Variants in COA1 observed in about 807,000 individuals in gnomAD.
COA1 encodes cytochrome c oxidase assembly factor 1.
COA1 carries 13 observed loss-of-function variants against 16.0 expected under a neutral mutation model. The ratio of observed to expected loss-of-function variants is 0.81; its 90% CI spans 0.53 to 1.29. The LOEUF is 1.29. Ranked by LOEUF, COA1 falls within the 50% of genes most tolerant of loss-of-function variation. COA1 has a pLI of 0.00. For synonymous variants in COA1, 65 were observed against 65.7 expected (o/e 0.99, Z 0.05); for missense variants, 179 against 177.0 (o/e 1.01, Z -0.06).
chr7:43,687,776 T>TA (rs879798429), intron 1 of COA1, among the ~76,000 whole-genome samples: 152 of 142,754 alleles, frequency 1.1e-3, no homozygotes, highest in Middle Eastern at 3.6e-3. Flanking sequence ...TCCCAAAACC[T>TA]AAAAAAAAAA....
At chr7:43,640,158 C>G (rs1395166981) in intron 5 of COA1, among the ~76,000 whole-genome samples, 1 of 152,192 alleles carries the variant, frequency 6.6e-6, no homozygotes, top group Non-Finnish European at 1.5e-5. Flanking sequence ...TAGCTATTGG[C>G]AACCAGACAA....
chr7:43,615,974 CT>C (rs1322608735), intron 6 of COA1, among the ~76,000 whole-genome samples: 5 of 152,204 alleles, frequency 3.3e-5, no homozygotes, highest in Non-Finnish European at 5.9e-5. Flanking sequence ...CATCACCCTG[CT>C]TTGAGTTCCC....
chr7:43,624,440 CAATA>C, intron 6 of COA1: 1 of 1,350,486 alleles, frequency 7.4e-7, no homozygotes, highest in South Asian at 1.7e-5. Context: ...AAATATAATG[CAATA>C]AATACAGTAC....
chr7:43,687,916 G>T (rs1168263385), intron 1 of COA1, among the ~76,000 whole-genome samples: 1 of 152,158 alleles, frequency 6.6e-6, no homozygotes, highest in East Asian at 1.9e-4. Context: ...TGTGTTGTGG[G>T]AGGGACCCAG....
chr7:43,642,674 G>C (rs2087498048), intron 4 of COA1, among the ~76,000 whole-genome samples: 2 of 152,210 alleles, frequency 1.3e-5, no homozygotes, highest in African/African-American at 4.8e-5. Context: ...GTGGGCAGCT[G>C]TGCTTCCATG....
At position 43,669,760 on chromosome 7, in the gene COA1, C is replaced by CA. The variant is rs1209630963; in HGVS notation, c.-38-21109dup. ...TATTAAACTTTTCACTCCTTAAAAC[C>CA]AAAAAAAAATTAAAAAAAAAAAACC... On this transcript the variant is annotated intron_variant, in intron 1 of 5. Transcript: ENST00000223336. 2.7e-4 allele frequency among the ~76,000 whole-genome samples: 19 copies of CA among 71,260 alleles called. No homozygotes were observed. In the South Asian group the frequency reaches 0.01, roughly 39 times the overall value. The allele number at this position is 71,260 out of a possible 152,430, so 46.7% of individuals were successfully genotyped here.
intron 1 of COA1, chr7:43,650,014 A>G (rs2090430225): frequency 6.6e-6 from 1 of 152,434 alleles, no homozygotes; most frequent in Non-Finnish European, 1.5e-5. Flanking sequence ...GAAATGACAA[A>G]CAAAGGCAGA....
chr7:43,633,669 C>T (rs1188592473), intron 6 of COA1, among the ~76,000 whole-genome samples: 3 of 152,152 alleles, frequency 2.0e-5, no homozygotes, highest in African/African-American at 4.8e-5. Context: ...AAGACTTGCT[C>T]GACAGTCGCC....
At chr7:43,634,068 C>G (rs976296461) in intron 6 of COA1, among the ~76,000 whole-genome samples, 4 of 152,150 alleles carry the variant, frequency 2.6e-5, no homozygotes, top group Admixed American at 1.3e-4. Context: ...TCTTCTAAGA[C>G]TTCCTATTTT....
intron 1 of COA1, chr7:43,711,584 T>C (rs943566823): frequency 1.4e-4 from 22 of 152,202 alleles, no homozygotes; most frequent in African/African-American, 5.3e-4. Flanking sequence ...ACAATCAGGA[T>C]ACATTCTAAG....
intron 6 of COA1, among the ~76,000 whole-genome samples, chr7:43,628,833 G>A (rs562468405): frequency 6.8e-4 from 103 of 152,168 alleles, no homozygotes; most frequent in Non-Finnish European, 1.2e-3. Flanking sequence ...GTTCTCAGTA[G>A]TATCTGTTGA....
Position 43,695,147 on chromosome 7 carries a change from C to CAATTGCAG in COA1, c.-39+34281_-39+34282insCTGCAATT, listed in dbSNP as rs1363694848. On this transcript the variant is annotated intron_variant, in intron 1 of 5. Transcript: ENST00000223336. ...CAGCAGCGTCCTGACAAACCTCCTG[C>CAATTGCAG]TTCCTCCCTTACAGTCCCCTCTCAA... Among the ~76,000 whole-genome samples the CAATTGCAG allele has an allele frequency of 3.1e-3, 478 of 151,856 alleles. 12 individuals carry two copies. Among genetic ancestry groups the CAATTGCAG allele is most frequent in the Admixed American group, 0.029 (428 of 14,864 alleles).
At chr7:43,609,533 A>G (rs2082675329) in intron 6 of COA1, 1 of 152,234 alleles carries the variant, frequency 6.6e-6, no homozygotes, top group African/African-American at 2.4e-5. Context: ...GAGACAATAA[A>G]GGTCCACTAT....
chr7:43,701,779 G>A (rs1008864374), intron 1 of COA1, among the ~76,000 whole-genome samples: 6 of 152,110 alleles, frequency 3.9e-5, no homozygotes, highest in African/African-American at 1.4e-4. Flanking sequence ...TAGCCACTCT[G>A]ACTGGTGTGA....
intron 4 of COA1, among the ~76,000 whole-genome samples, chr7:43,644,876 G>A (rs1394052799): frequency 6.7e-6 from 1 of 148,374 alleles, no homozygotes; most frequent in African/African-American, 2.5e-5. Flanking sequence ...CAAACCCCAG[G>A]GCTCAAGCAA....
chr7:43,669,031 AT>A (rs984915946), intron 1 of COA1, among the ~76,000 whole-genome samples: 3 of 152,170 alleles, frequency 2.0e-5, no homozygotes, highest in African/African-American at 4.8e-5. Flanking sequence ...CAAACTCCAA[AT>A]AGTGCTGCAA....
At chr7:43,678,379 A>G (rs2093628100) in intron 1 of COA1, among the ~76,000 whole-genome samples, 1 of 152,244 alleles carries the variant, frequency 6.6e-6, no homozygotes, top group Non-Finnish European at 1.5e-5. Flanking sequence ...TAACACTCTT[A>G]GAAGAAAACA....
chr7:43,698,477 A>G (rs991197232), intron 1 of COA1, among the ~76,000 whole-genome samples: 1 of 152,218 alleles, frequency 6.6e-6, no homozygotes. Context: ...TTTCCTCGTT[A>G]TAATTCAACA....
At chr7:43,649,143 G>C (rs1034972694) in intron 1 of COA1, 3 of 153,642 alleles carry the variant, frequency 2.0e-5, no homozygotes, top group Non-Finnish European at 4.4e-5. Context: ...TATGTGTCTT[G>C]TACTATTCTA....
Sources: gnomAD v4.1 joint callset for allele counts (sites outside exome capture counted in the v4.1 genomes callset) on GRCh38, gnomAD v4.1.1 for gene constraint, MANE v1.5 for transcripts, NCBI Gene and HGNC (gene_info 2026-07-23, HGNC 2026-07-21) for gene names.